The following PHETA1 variants were observed in gnomAD, a reference collection of about 807,000 sequenced individuals.
PHETA1 encodes PH domain containing endocytic trafficking adaptor 1.
For missense variants in PHETA1, 348 were observed against 373.5 expected (o/e 0.93, Z 0.56); for synonymous variants, 155 against 168.9 (o/e 0.92, Z 0.64).
rs775539822 is a variant in PHETA1 at position 111,363,284 on chromosome 12, G to C, written c.144C>G (p.Tyr48Ter). 10 of 1,613,054 alleles carry C rather than the reference G, an allele frequency of 6.2e-6. No homozygotes were observed. The highest frequency in any genetic ancestry group is 8.5e-6 in the Non-Finnish European group (10 of 1,179,946). The change falls in exon 3 of 3, where the codon TAC becomes TAG. Residue 48 changes from tyrosine (Y) to a stop codon, truncating the protein, a stop_gained. Coordinates refer to ENST00000683047, the MANE Select transcript of PHETA1 (RefSeq NM_144671.6). LOFTEE classifies it low-confidence loss of function (END_TRUNC). The surrounding 1 kb of genome is among the most constrained non-coding windows in gnomAD (Gnocchi z 7.4). Reference sequence around the variant, plus strand: ...GCTCACGGCTGGCAGCGTCCTCGAAGTAGAAGAGCATGTTCCCGCGCAGCA... The same window carrying C: ...GCTCACGGCTGGCAGCGTCCTCGAACTAGAAGAGCATGTTCCCGCGCAGCA... The part of the protein sequence containing the change: ...WFVLRGNMLF[Y>*]FEDAASREPV...
rs188724398 is a variant in PHETA1, at chr12:111,361,889, C to A, written c.*789G>T. The A allele has an allele frequency of 6.6e-6, 3 of 456,164 alleles. No individual in the cohort carries two copies. The highest frequency in any genetic ancestry group is 7.0e-5 in the East Asian group (1 of 14,376). The allele number at this position is 456,164 out of a possible 1,614,324, so 28.3% of individuals were successfully genotyped here. On this transcript the variant is annotated 3_prime_UTR_variant, in exon 3 of 3. Coordinates refer to ENST00000683047, the MANE Select transcript of PHETA1 (RefSeq NM_144671.6). ...GGGGCCCCAGGCCTAGGGGCCAAGA[C>A]TGAAGGATGCAGTCAAGGAGTGTCT... is the stretch of plus-strand genomic sequence containing the variant.
At chr12:111,365,701 G>GC (rs1868984027) in intron 2 of PHETA1, 1 of 349,314 alleles carries the variant, frequency 2.9e-6, no homozygotes, top group Non-Finnish European at 5.7e-6. Context: ...CTCATAAGTG[G>GC]GAGTTGAACA....
chr12:111,368,264 G>A lies in PHETA1; in HGVS notation c.-182+648C>T, dbSNP rs1869147424. ...GCAAATAATTCATCCAAGATCTCCA[G>A]GGGCACAGCTGGCCCCGGAACCCAG... On this transcript the variant is annotated intron_variant, in intron 1 of 2. Transcript: ENST00000683047. The surrounding 1 kb of genome is among the most constrained non-coding windows in gnomAD (Gnocchi z 5.0). 6.6e-6 allele frequency among the ~76,000 whole-genome samples: 1 copy of A among 152,140 alleles called. No individual in the cohort carries two copies. Among genetic ancestry groups the A allele is most frequent in the South Asian group, 2.1e-4 (1 of 4,828 alleles).
At position 111,363,155 on chromosome 12, in the gene PHETA1, G is replaced by A. The variant is rs375040963; in HGVS notation, c.273C>T (p.Tyr91=). ...CATCCTGACTCTCAGCGGCCAGCAC[G>A]TAGGTGCGCGCCCGGGTCCCCGCAA... is the stretch of plus-strand genomic sequence containing the variant. The part of the protein sequence containing the change: ...VRFAGTRART[Y]VLAAESQDAM... The change falls in exon 3 of 3, where the codon TAC becomes TAT. Residue 91 remains tyrosine (Y), a synonymous_variant. Coordinates refer to ENST00000683047, the MANE Select transcript of PHETA1 (RefSeq NM_144671.6). The surrounding 1 kb of genome is among the most constrained non-coding windows in gnomAD (Gnocchi z 7.4). The A allele has an allele frequency of 1.4e-5, 23 of 1,611,192 alleles. No homozygotes were observed. The Admixed American group carries it at 2.5e-4, about 18-fold the overall frequency.
Position 111,368,325 on chromosome 12 carries a change from T to G in PHETA1, c.-182+587A>C, listed in dbSNP as rs1869152487. On this transcript the variant is annotated intron_variant, in intron 1 of 2. Coordinates refer to ENST00000683047, the MANE Select transcript of PHETA1 (RefSeq NM_144671.6). The surrounding 1 kb of genome is among the most constrained non-coding windows in gnomAD (Gnocchi z 5.0). ...AGACTGAAGCATGGCATTTTGGCAC[T>G]CACATCAACGAAAAGAAGCCAGTAC... Among the ~76,000 whole-genome samples the G allele has an allele frequency of 6.6e-6, 1 of 152,122 alleles. No individual in the cohort carries two copies. Among genetic ancestry groups the G allele is most frequent in the Non-Finnish European group, 1.5e-5 (1 of 68,000 alleles).
intron 2 of PHETA1, chr12:111,365,766 A>C: frequency 5.2e-6 from 1 of 194,158 alleles, no homozygotes; most frequent in Non-Finnish European, 1.0e-5. Context: ...CTGTTGGGGG[A>C]TCGGGGGTGA....
intron 1 of PHETA1, among the ~76,000 whole-genome samples, 181 bp from the exon 2 acceptor site, chr12:111,366,438 G>C (rs1040469778): frequency 6.6e-6 from 1 of 152,134 alleles, no homozygotes; most frequent in African/African-American, 2.4e-5. Context: ...CTCAGCAAAT[G>C]GCCCTTGGTT....
At position 111,362,904 on chromosome 12, in the gene PHETA1, G is replaced by A; in HGVS notation, c.524C>T (p.Pro175Leu). The A allele has an allele frequency of 6.6e-7, 1 of 1,512,896 alleles. No individual in the cohort carries two copies. Among genetic ancestry groups the A allele is most frequent in the Non-Finnish European group, 8.8e-7 (1 of 1,135,332 alleles). The allele number at this position is 1,512,896 out of a possible 1,614,324, so 93.7% of individuals were successfully genotyped here. ...APAPVPALPLPRRPSALPPKE... is the reference protein window; with the variant it reads ...APAPVPALPLLRRPSALPPKE... ...GGGCGGGAGGGCACTGGGCCGGCGGGGCAGGGGCAGGGCTGGGACCGGGGC... is the reference window on the plus strand; with the variant it reads ...GGGCGGGAGGGCACTGGGCCGGCGGAGCAGGGGCAGGGCTGGGACCGGGGC... Residue 175 changes from proline to leucine, a missense_variant, in exon 3 of 3, where the codon CCC becomes CTC. Physicochemically the swap from Pro to Leu is moderately conservative, Grantham distance 98 (BLOSUM62 -3). Coordinates refer to ENST00000683047, the MANE Select transcript of PHETA1 (RefSeq NM_144671.6).
Position 111,362,249 on chromosome 12 carries a change from A to T in PHETA1, c.*429T>A. 1 of 372,594 alleles carries T rather than the reference A, an allele frequency of 2.7e-6. No individual in the cohort carries two copies. The highest frequency in any genetic ancestry group is 2.1e-5 in the African/African-American group (1 of 47,632). 23.1% of individuals were successfully genotyped at this position (372,594 alleles called of 1,614,324 possible). On this transcript the variant is annotated 3_prime_UTR_variant, in exon 3 of 3. Transcript: ENST00000683047. ...ACCGATCCTCCCTCTGTCCACCCTG[A>T]AGGCCTGGTCAGGAGCTGCACTAAC... is the stretch of plus-strand genomic sequence containing the variant.
Position 111,362,186 on chromosome 12 carries a change from G to C in PHETA1, c.*492C>G. 2 of 364,888 alleles carry C rather than the reference G, an allele frequency of 5.5e-6. No individual in the cohort carries two copies. The highest frequency in any genetic ancestry group is 4.1e-5 in the South Asian group (2 of 48,970). 22.6% of individuals were successfully genotyped at this position (364,888 alleles called of 1,614,324 possible). Reference sequence around the variant, plus strand: ...AGAGCCAGGCCAGCTCCTCTGGCAGGTCCCGGAGCAAGGCCAGGCCCAGGT... The same window carrying C: ...AGAGCCAGGCCAGCTCCTCTGGCAGCTCCCGGAGCAAGGCCAGGCCCAGGT... On this transcript the variant is annotated 3_prime_UTR_variant, in exon 3 of 3. Coordinates refer to ENST00000683047, the MANE Select transcript of PHETA1 (RefSeq NM_144671.6).
rs368569078 is a variant in PHETA1, at chr12:111,362,882, C to T, written c.546G>A (p.Pro182=). Residue 182 remains proline, a synonymous_variant, in exon 3 of 3, where the codon CCG becomes CCA. Coordinates refer to ENST00000683047, the MANE Select transcript of PHETA1 (RefSeq NM_144671.6). ...AGACAGCGCAGCCATTCTCCTTGGG[C>T]GGGAGGGCACTGGGCCGGCGGGGCA... ...LPLPRRPSAL[P]PKENGCAVWS... 28 of 1,373,780 alleles carry T rather than the reference C, an allele frequency of 2.0e-5. No individual in the cohort carries two copies. In the Middle Eastern group the frequency reaches 6.8e-4, roughly 33 times the overall value. The allele number at this position is 1,373,780 out of a possible 1,614,324, so 85.1% of individuals were successfully genotyped here. A position where few individuals can be genotyped will look rare whatever the true frequency, so the allele number is the denominator to read the frequency against.
chr12:111,365,539 T>C, intron 2 of PHETA1: 1 of 455,780 alleles, frequency 2.2e-6, no homozygotes, highest in Non-Finnish European at 4.4e-6. Flanking sequence ...ATAGACTGAA[T>C]AAAGGAAATG....
In PHETA1 at chr12:111,367,782, G is replaced by A. The variant is rs941404354; in HGVS notation, c.-182+1130C>T. On this transcript the variant is annotated intron_variant, in intron 1 of 2. Coordinates refer to ENST00000683047, the MANE Select transcript of PHETA1 (RefSeq NM_144671.6). This position sits in a 1 kb window ranked among gnomAD's most constrained non-coding sequence, Gnocchi z 4.0. ...CACAGGCGCCAGCCTTGCCTGGAGCGAAGGCCTGGCCCCTGCCTTATCTCC... is the reference window on the plus strand; with the variant it reads ...CACAGGCGCCAGCCTTGCCTGGAGCAAAGGCCTGGCCCCTGCCTTATCTCC... 4.6e-5 allele frequency among the ~76,000 whole-genome samples: 7 copies of A among 152,344 alleles called. No homozygotes were observed. The highest frequency in any genetic ancestry group is 9.6e-5 in the African/African-American group (4 of 41,586).
intron 2 of PHETA1, among the ~76,000 whole-genome samples, chr12:111,365,172 G>A (rs1349851675): frequency 6.6e-6 from 1 of 152,220 alleles, no homozygotes; most frequent in Non-Finnish European, 1.5e-5. Context: ...GTTTTCCATG[G>A]CCATTTTGAG....
At position 111,368,884 on chromosome 12, in the gene PHETA1, G is replaced by T. The variant is rs764017120; in HGVS notation, c.-182+28C>A. On this transcript the variant is annotated intron_variant, in intron 1 of 2. Transcript: ENST00000683047. This position sits in a 1 kb window ranked among gnomAD's most constrained non-coding sequence, Gnocchi z 5.0. ...CCCGACCCGGGTCCCATGTCCTCGTGCATGTCCCCCCGCCAGGCCCGCCTT... is the reference window on the plus strand; with the variant it reads ...CCCGACCCGGGTCCCATGTCCTCGTTCATGTCCCCCCGCCAGGCCCGCCTT... 4 of 152,302 alleles carry T rather than the reference G, an allele frequency of 2.6e-5. No homozygotes were observed. Among genetic ancestry groups the T allele is most frequent in the Non-Finnish European group, 5.9e-5 (4 of 68,092 alleles). 9.4% of individuals were successfully genotyped at this position (152,302 alleles called of 1,614,324 possible).
chr12:111,364,135 T>C (rs986262745), intron 2 of PHETA1, among the ~76,000 whole-genome samples: 3 of 152,128 alleles, frequency 2.0e-5, no homozygotes, highest in Non-Finnish European at 2.9e-5. Context: ...AATAACAAGA[T>C]GGACAGGGTC....
Position 111,363,585 on chromosome 12 carries a change from G to A in PHETA1, c.-36-122C>T. ...ACAGATGAGGAAACTGACGCTCATA[G>A]GGTGGAAGCAGCTGGCCTATGCGCC... On this transcript the variant is annotated intron_variant, in intron 2 of 2. Coordinates refer to ENST00000683047, the MANE Select transcript of PHETA1 (RefSeq NM_144671.6). The surrounding 1 kb of genome is among the most constrained non-coding windows in gnomAD (Gnocchi z 7.4). 1 of 1,531,114 alleles carries A rather than the reference G, an allele frequency of 6.5e-7. No homozygotes were observed. Among genetic ancestry groups the A allele is most frequent in the Non-Finnish European group, 8.7e-7 (1 of 1,143,174 alleles). The allele number at this position is 1,531,114 out of a possible 1,614,324, so 94.8% of individuals were successfully genotyped here.
Position 111,362,476 on chromosome 12 carries a change from C to G in PHETA1, c.*202G>C. The G allele has an allele frequency of 1.5e-6, 2 of 1,355,374 alleles. No homozygotes were observed. The highest frequency in any genetic ancestry group is 2.0e-6 in the Non-Finnish European group (2 of 1,019,016). The allele number at this position is 1,355,374 out of a possible 1,614,324, so 84.0% of individuals were successfully genotyped here. ...GACGTTCCCCTCAAGGGTAGGCCTT[C>G]TGGGTCACATGGTCCTAAAGGCCCA... On this transcript the variant is annotated 3_prime_UTR_variant, in exon 3 of 3. Coordinates refer to ENST00000683047, the MANE Select transcript of PHETA1 (RefSeq NM_144671.6).
At position 111,361,387 on chromosome 12, in the gene PHETA1, G is replaced by A. The variant is rs967664591; in HGVS notation, c.*1291C>T. The A allele has an allele frequency of 1.3e-5, 2 of 155,006 alleles. No individual in the cohort carries two copies. The highest frequency in any genetic ancestry group is 2.9e-5 in the Non-Finnish European group (2 of 69,628). The allele number at this position is 155,006 out of a possible 1,614,324, so 9.6% of individuals were successfully genotyped here. ...CAAGGGTCTCCAGAGACAGAAGGAA[G>A]GGGTTTTGGGCTGAGTCTGTCACCA... On this transcript the variant is annotated 3_prime_UTR_variant, in exon 3 of 3. Coordinates refer to ENST00000683047, the MANE Select transcript of PHETA1 (RefSeq NM_144671.6).
Sources: allele counts gnomAD v4.1 joint callset (sites outside exome capture counted in the v4.1 genomes callset), GRCh38; gene constraint gnomAD v4.1.1; non-coding constraint Gnocchi (gnomAD v3.1); transcripts MANE v1.5; gene names NCBI Gene and HGNC (gene_info 2026-07-23, HGNC 2026-07-21).